Variants in MECR observed in about 807,000 individuals in gnomAD.
MECR encodes the protein mitochondrial trans-2-enoyl-CoA reductase.
MECR carries 37 observed loss-of-function variants against 49.1 expected under a neutral mutation model. The observed-to-expected ratio is 0.75, with a 90% confidence interval of 0.58 to 0.99. The LOEUF is 0.99. MECR is among the 50% of genes least tolerant of loss of function. The probability of loss-of-function intolerance (pLI) is 0.00; values close to 1 mark genes in which losing one functional copy is unlikely to be tolerated. For synonymous variants in MECR, 198 were observed against 191.1 expected (o/e 1.04, Z -0.30); for missense variants, 470 against 479.6 (o/e 0.98, Z 0.19).
rs1337574014 is a variant in MECR at position 29,216,141 on chromosome 1, G to A, written c.275-5C>T. The A allele has an allele frequency of 1.2e-6, 2 of 1,613,492 alleles. No individual in the cohort carries two copies. Among genetic ancestry groups the A allele is most frequent in the South Asian group, 2.2e-5 (2 of 91,038 alleles). Reference sequence around the variant, plus strand: ...CAGGAAGGAATCCGTAGTTTCCTGAGGGAGAAGAGCATTAAAGGGTCAACC... The same window carrying A: ...CAGGAAGGAATCCGTAGTTTCCTGAAGGAGAAGAGCATTAAAGGGTCAACC... On this transcript the variant is annotated splice_polypyrimidine_tract_variant and splice_region_variant and intron_variant, in intron 2 of 9. Coordinates refer to ENST00000263702, the MANE Select transcript of MECR (RefSeq NM_016011.5).
rs751642810 is a variant in MECR at position 29,216,011 on chromosome 1, C to T, written c.400G>A (p.Gly134Ser). The change falls in exon 3 of 10, where the codon GGT becomes AGT. Residue 134 changes from glycine to serine, a missense_variant. Physicochemically the swap from Gly to Ser is moderately conservative, Grantham distance 56. Coordinates refer to ENST00000263702, the MANE Select transcript of MECR (RefSeq NM_016011.5). ...GACACCTGGAGAAACTCACCTAAAC[C>T]AGCATTTGCTGGAATCACCCAGTCT... is the stretch of plus-strand genomic sequence containing the variant. ...PGDWVIPANA[G>S]LGTWRTEAVF... is the part of the protein sequence containing the mutation. 26 of 1,613,886 alleles carry T rather than the reference C, an allele frequency of 1.6e-5. No homozygotes were observed. The highest frequency in any genetic ancestry group is 1.9e-5 in the Non-Finnish European group (23 of 1,179,938).
At chr1:29,229,159 AT>A (rs1439332076) in intron 1 of MECR, 1 of 150,664 alleles carries the variant, frequency 6.6e-6, no homozygotes, top group African/African-American at 2.4e-5. Context: ...ATGACCTTGA[AT>A]TTATCTGAGG....
chr1:29,195,341 C>T (rs1395872967), intron 9 of MECR, among the ~76,000 whole-genome samples: 3 of 152,194 alleles, frequency 2.0e-5, no homozygotes, highest in African/African-American at 7.2e-5. Context: ...CCTTCCTCCC[C>T]TTCACTTGGA....
At chr1:29,214,216 C>T (rs140631705) in intron 3 of MECR, among the ~76,000 whole-genome samples, 12,588 of 151,962 alleles carry the variant, frequency 0.083, 750 homozygotes, top group East Asian at 0.28. Context: ...TGCACGCCAC[C>T]ATGCCTGGCT....
intron 1 of MECR, among the ~76,000 whole-genome samples, chr1:29,218,946 A>G (rs1241837912): frequency 1.3e-5 from 2 of 152,300 alleles, no homozygotes; most frequent in East Asian, 3.9e-4. Flanking sequence ...CAAAGGCTCT[A>G]AGAGGTAAAC....
intron 6 of MECR, 41 bp from the exon 7 acceptor site, chr1:29,200,630 C>T: frequency 2.5e-6 from 4 of 1,574,466 alleles, no homozygotes; most frequent in Non-Finnish European, 3.5e-6. Context: ...CATCCCCGCT[C>T]TACATATGGG....
chr1:29,184,475 TG>T, the MECR span, among the ~76,000 whole-genome samples: 1 of 151,968 alleles, frequency 6.6e-6, no homozygotes, highest in East Asian at 1.9e-4. Context: ...AATTAGTGGC[TG>T]GGTGCGGTGG....
intron 4 of MECR, among the ~76,000 whole-genome samples, chr1:29,204,048 C>A (rs1675959606): frequency 6.6e-6 from 1 of 152,168 alleles, no homozygotes; most frequent in Non-Finnish European, 1.5e-5. Context: ...ACTAAACAGA[C>A]AGGGCAAGTC....
chr1:29,194,118 G>A lies in MECR; in HGVS notation c.1026C>T (p.Ala342=), dbSNP rs753639321. 1 of 1,614,130 alleles carries A rather than the reference G, an allele frequency of 6.2e-7. No homozygotes were observed. Among genetic ancestry groups the A allele is most frequent in the East Asian group, 2.2e-5 (1 of 44,876 alleles). Residue 342 remains alanine, a synonymous_variant, in exon 10 of 10, where the codon GCC becomes GCT. Coordinates refer to ENST00000263702, the MANE Select transcript of MECR (RefSeq NM_016011.5). ...GCAGCGGGACCTGGGAGCAGGCAGG[G>A]GCTGTGAGCTGGCCTCGGCGGATGA... is the stretch of plus-strand genomic sequence containing the variant. ...CDLIRRGQLT[A]PACSQVPLQD... is the part of the protein sequence containing the mutation.
At chr1:29,200,704 T>C in intron 6 of MECR, 115 bp from the exon 7 acceptor site, 2 of 811,328 alleles carry the variant, frequency 2.5e-6, no homozygotes, top group South Asian at 1.6e-5. Flanking sequence ...ATGCCTTTGT[T>C]TGCGTGCACG....
At position 29,230,727 on chromosome 1, in the gene MECR, T is replaced by C; in HGVS notation, c.176+4A>G. On this transcript the variant is annotated splice_donor_region_variant and intron_variant, in intron 1 of 9. Coordinates refer to ENST00000263702, the MANE Select transcript of MECR (RefSeq NM_016011.5). ...CCTTCCCCGGCTTCGGCGCCGTCTC[T>C]TACTCGACGACCTTGGCTGGATCCC... 1 of 1,571,612 alleles carries C rather than the reference T, an allele frequency of 6.4e-7. No individual in the cohort carries two copies. Among genetic ancestry groups the C allele is most frequent in the Non-Finnish European group, 8.6e-7 (1 of 1,158,172 alleles).
At chr1:29,208,416 T>C (rs1332247394) in intron 3 of MECR, among the ~76,000 whole-genome samples, 1 of 152,210 alleles carries the variant, frequency 6.6e-6, no homozygotes, top group Non-Finnish European at 1.5e-5. Flanking sequence ...TACTCTAATG[T>C]GTAAATAGCA....
chr1:29,220,927 A>G, intron 1 of MECR: 1 of 985,240 alleles, frequency 1.0e-6, no homozygotes, highest in Non-Finnish European at 1.2e-6. Context: ...TACCTCTGAA[A>G]AGAATCACTG....
downstream of MECR, among the ~76,000 whole-genome samples, chr1:29,191,179 G>C (rs114225753): frequency 0.022 from 3,297 of 152,274 alleles, 52 homozygotes; most frequent in Middle Eastern, 0.048. Context: ...TCCAGATCTT[G>C]AAGCGTGGTG....
At chr1:29,195,206 C>T (rs1348379035) in intron 9 of MECR, among the ~76,000 whole-genome samples, 1 of 152,156 alleles carries the variant, frequency 6.6e-6, no homozygotes, top group Non-Finnish European at 1.5e-5. Flanking sequence ...GGTCACAACC[C>T]ACTCACCCAA....
the MECR span, among the ~76,000 whole-genome samples, chr1:29,175,314 G>C: frequency 6.6e-6 from 1 of 152,008 alleles, no homozygotes; most frequent in African/African-American, 2.4e-5. Context: ...TTGGGAGGCT[G>C]AGGCAGCAGA....
At chr1:29,194,322 C>A (rs181663787) in intron 9 of MECR, 143 bp from the exon 10 acceptor site, 2 of 909,490 alleles carry the variant, frequency 2.2e-6, no homozygotes, top group Admixed American at 5.5e-5. Context: ...GATAGGGTGG[C>A]TGTGGAGGCA....
At position 29,216,965 on chromosome 1, in the gene MECR, T is replaced by C. The variant is rs552351790; in HGVS notation, c.177-280A>G. On this transcript the variant is annotated intron_variant, in intron 1 of 9. Coordinates refer to ENST00000263702, the MANE Select transcript of MECR (RefSeq NM_016011.5). Reference sequence around the variant, plus strand: ...GCCTGGCCAACATGGTGAAAACCTGTCTCTACTAAAATACAAAAATTAGCT... The same window carrying C: ...GCCTGGCCAACATGGTGAAAACCTGCCTCTACTAAAATACAAAAATTAGCT... 7.3e-5 allele frequency among the ~76,000 whole-genome samples: 11 copies of C among 151,026 alleles called. No homozygotes were observed. The East Asian group carries it at 2.0e-3, about 27-fold the overall frequency.
chr1:29,230,620 T>A, intron 1 of MECR, 111 bp downstream of exon 1: 1 of 1,379,982 alleles, frequency 7.2e-7, no homozygotes. Context: ...TTCGGTTTGC[T>A]ATTCTCTGCC....
Sources: allele counts gnomAD v4.1 joint callset (sites outside exome capture counted in the v4.1 genomes callset), GRCh38; gene constraint gnomAD v4.1.1; transcripts MANE v1.5; gene names NCBI Gene and HGNC (gene_info 2026-07-23, HGNC 2026-07-21).